The following NMNAT1 variants were observed in gnomAD, a reference collection of about 807,000 sequenced individuals.
The protein encoded by NMNAT1 is nicotinamide/nicotinic acid mononucleotide adenylyltransferase 1.
Under a neutral mutation model 16.7 loss-of-function variants are expected in NMNAT1, and 11 were observed. That is an observed-to-expected ratio of 0.66 (90% CI 0.41 to 1.09). The LOEUF (loss-of-function observed/expected upper bound fraction) is 1.09. Among genes scored for constraint, NMNAT1 ranks in the 50% least tolerant of loss-of-function variants. NMNAT1 has a pLI of 0.00. For missense variants in NMNAT1, 280 were observed against 332.3 expected, an observed-to-expected ratio of 0.84 and a Z score of 1.22; for synonymous variants, 110 against 119.8, an observed-to-expected ratio of 0.92 and a Z score of 0.53.
At chr1:9,963,621 C>G (rs148678573) in intron 1 of NMNAT1, among the ~76,000 whole-genome samples, 225 of 151,960 alleles carry the variant, frequency 1.5e-3, no homozygotes, top group African/African-American at 5.2e-3. Flanking sequence ...GTTGGCCAGG[C>G]TGGTCTCGAA....
chr1:9,977,963 T>C (rs1027616402), intron 3 of NMNAT1, among the ~76,000 whole-genome samples: 2 of 152,186 alleles, frequency 1.3e-5, no homozygotes, highest in Non-Finnish European at 2.9e-5. Flanking sequence ...TCTGCTGCTA[T>C]TGAACTGTCT....
downstream of NMNAT1, among the ~76,000 whole-genome samples, chr1:9,988,562 G>T (rs1223522741): frequency 1.3e-5 from 2 of 151,920 alleles, no homozygotes; most frequent in African/African-American, 4.8e-5. Flanking sequence ...TATTAGCCAG[G>T]CATGGTGGCA....
At chr1:9,947,901 A>G (rs1570671409) in intron 1 of NMNAT1, among the ~76,000 whole-genome samples, 1 of 152,180 alleles carries the variant, frequency 6.6e-6, no homozygotes, top group South Asian at 2.1e-4. Context: ...ACTGCTAGAG[A>G]GATCCTTAAA....
rs575528328 is a variant in NMNAT1 at position 9,964,570 on chromosome 1, A to G, written c.-56-7448A>G. ...CAAAAAGAAAAAATAAAAGTATTCT[A>G]TACTTTTGTTTTTGTAAACCAAAAG... On this transcript the variant is annotated intron_variant, in intron 1 of 4. Transcript: ENST00000377205. Among the ~76,000 whole-genome samples the G allele has an allele frequency of 5.9e-5, 9 of 152,138 alleles. 1 individual carries two copies. The East Asian group carries it at 1.6e-3, about 26-fold the overall frequency.
the NMNAT1 span, among the ~76,000 whole-genome samples, chr1:9,991,472 G>A: frequency 6.6e-6 from 1 of 152,128 alleles, no homozygotes; most frequent in Non-Finnish European, 1.5e-5. Context: ...ACCAAGCCTG[G>A]AATCTATGTC....
At chr1:9,968,469 A>T (rs898262483) in intron 1 of NMNAT1, among the ~76,000 whole-genome samples, 4 of 150,476 alleles carry the variant, frequency 2.7e-5, no homozygotes, top group Non-Finnish European at 4.4e-5. Context: ...TTTAAGATTG[A>T]TTAAAAACTG....
intron 2 of NMNAT1, among the ~76,000 whole-genome samples, 177 bp from the exon 3 acceptor site, chr1:9,975,415 T>C (rs6657844): frequency 0.96 from 146,749 of 152,218 alleles, 70,964 homozygotes; most frequent in East Asian, 1. Context: ...TCAGGAGAAT[T>C]GCTTCAACCC....
At chr1:9,991,278 C>T in the NMNAT1 span, among the ~76,000 whole-genome samples, 4 of 151,612 alleles carry the variant, frequency 2.6e-5, no homozygotes, top group Non-Finnish European at 5.9e-5. Context: ...TTCTGCCTCC[C>T]GGGTTCAAGC....
At position 9,982,644 on chromosome 1, in the gene NMNAT1, G is replaced by C. The variant is rs1641974399; in HGVS notation, c.783G>C (p.Arg261Ser). The stretch of plus-strand genomic sequence containing the variant: ...TGTACAGCTCTGAGAGTGAAGACAG[G>C]AATGCTGGGGTCATCCTGGCCCCTT... ...HNLYSSESED[R>S]NAGVILAPLQ... Residue 261 changes from arginine (R) to serine (S), a missense_variant, in exon 5 of 5, where the codon AGG (arginine) becomes AGC (serine). Arg to Ser is a moderately radical substitution (Grantham distance 110). Transcript: ENST00000377205. The C allele has an allele frequency of 6.2e-7, 1 of 1,613,984 alleles. No individual in the cohort carries two copies. The highest frequency in any genetic ancestry group is 1.3e-5 in the African/African-American group (1 of 74,918).
chr1:9,966,052 A>C (rs1366167417), intron 1 of NMNAT1, among the ~76,000 whole-genome samples: 1 of 151,156 alleles, frequency 6.6e-6, no homozygotes, highest in Non-Finnish European at 1.5e-5. Flanking sequence ...TAATCTCAAC[A>C]CTTCGGGAGG....
intron 1 of NMNAT1, among the ~76,000 whole-genome samples, chr1:9,965,987 C>CA (rs58166006): frequency 0.011 from 1,575 of 147,864 alleles, 12 homozygotes; most frequent in African/African-American, 0.017. Context: ...GATCCTTTCT[C>CA]AAAAAAAAAA....
intron 3 of NMNAT1, among the ~76,000 whole-genome samples, chr1:9,977,868 CA>C (rs1055722081): frequency 2.0e-5 from 3 of 151,196 alleles, no homozygotes; most frequent in Admixed American, 6.6e-5. Context: ...AAAACAACAA[CA>C]AAAAAAAGTA....
At chr1:9,944,738 A>G (rs1264027283) in intron 1 of NMNAT1, among the ~76,000 whole-genome samples, 1 of 152,188 alleles carries the variant, frequency 6.6e-6, no homozygotes, top group Admixed American at 6.5e-5. Flanking sequence ...TATGATTACC[A>G]CAGAACTCTA....
intron 4 of NMNAT1, 50 bp from the exon 5 acceptor site, chr1:9,982,251 G>T: frequency 6.5e-7 from 1 of 1,548,906 alleles, no homozygotes; most frequent in South Asian, 1.3e-5. Flanking sequence ...CTTGGAGGAG[G>T]TAGAGGGGAA....
chr1:9,949,027 T>G (rs1210394954), intron 1 of NMNAT1, among the ~76,000 whole-genome samples: 1 of 150,438 alleles, frequency 6.6e-6, no homozygotes, highest in Non-Finnish European at 1.5e-5. Flanking sequence ...CCCAGCACTT[T>G]GGGAGGCCGA....
chr1:9,960,546 G>A (rs910896557), intron 1 of NMNAT1, among the ~76,000 whole-genome samples: 3 of 152,030 alleles, frequency 2.0e-5, no homozygotes, highest in African/African-American at 4.8e-5. Flanking sequence ...AGGCCAAAAC[G>A]CAGTGGCTCA....
chr1:9,964,303 A>G (rs759165002), intron 1 of NMNAT1, among the ~76,000 whole-genome samples: 12 of 151,648 alleles, frequency 7.9e-5, no homozygotes, highest in Non-Finnish European at 1.6e-4. Context: ...CCTGGGCTCA[A>G]GCAATCCTCC....
chr1:9,947,955 G>A (rs80073059), intron 1 of NMNAT1, among the ~76,000 whole-genome samples: 1 of 152,150 alleles, frequency 6.6e-6, no homozygotes, highest in East Asian at 1.9e-4. Context: ...GCCCTGCAGT[G>A]GTTGATGAGG....
chr1:9,982,656 C>A lies in NMNAT1; in HGVS notation c.795C>A (p.Val265=). 6.2e-7 allele frequency: 1 copy of A among 1,613,692 alleles called. No individual in the cohort carries two copies. Among genetic ancestry groups the A allele is most frequent in the South Asian group, 1.1e-5 (1 of 90,998 alleles). Residue 265 remains valine, a synonymous_variant, in exon 5 of 5, where the codon GTC becomes GTA. Transcript: ENST00000377205. ...SSESEDRNAG[V]ILAPLQRNTA... is the part of the protein sequence containing the mutation. Reference sequence around the variant, plus strand: ...AGAGTGAAGACAGGAATGCTGGGGTCATCCTGGCCCCTTTGCAGAGAAACA... The same window carrying A: ...AGAGTGAAGACAGGAATGCTGGGGTAATCCTGGCCCCTTTGCAGAGAAACA...
Sources: gnomAD v4.1 joint callset for allele counts (sites outside exome capture counted in the v4.1 genomes callset) on GRCh38, gnomAD v4.1.1 for gene constraint, MANE v1.5 for transcripts, NCBI Gene and HGNC (gene_info 2026-07-23, HGNC 2026-07-21) for gene names.